Variants in SNTG1 observed in about 807,000 individuals in gnomAD.
SNTG1 encodes gamma-1-syntrophin.
In SNTG1, 39 loss-of-function variants were observed where a neutral mutation model predicts 74.7. The ratio of observed to expected loss-of-function variants is 0.52; its 90% confidence interval spans 0.40 to 0.68. The LOEUF (loss-of-function observed/expected upper bound fraction) is 0.68, where lower values mean the gene tolerates loss of function less well. SNTG1 is among the 30% of genes least tolerant of loss of function. The probability of loss-of-function intolerance (pLI) is 0.00; values close to 1 mark genes in which losing one functional copy is unlikely to be tolerated. For missense variants in SNTG1, 685 were observed against 609.5 expected (o/e 1.12, Z -1.30); for synonymous variants, 254 against 217.1 (o/e 1.17, Z -1.49).
At chr8:50,059,395 C>T (rs1563535055) in intron 1 of SNTG1, among the ~76,000 whole-genome samples, 1 of 151,938 alleles carries the variant, frequency 6.6e-6, no homozygotes. Flanking sequence ...AATTTAATGG[C>T]TTTTAGTATA....
chr8:50,003,256 A>G (rs1814912805), intron 1 of SNTG1, among the ~76,000 whole-genome samples: 1 of 152,178 alleles, frequency 6.6e-6, no homozygotes, highest in Admixed American at 6.6e-5. Context: ...AAATTGTCTC[A>G]CTATAACTGT....
chr8:50,221,970 T>C (rs1439435056), intron 2 of SNTG1, among the ~76,000 whole-genome samples: 2 of 152,102 alleles, frequency 1.3e-5, no homozygotes, highest in Non-Finnish European at 2.9e-5. Flanking sequence ...GTTTGGTAGG[T>C]AGGGTGCTAG....
chr8:50,688,688 C>T lies in SNTG1; in HGVS notation c.1039-15912C>T, dbSNP rs1235605803. Among the ~76,000 whole-genome samples the T allele has an allele frequency of 6.6e-5, 10 of 152,192 alleles. No individual in the cohort carries two copies. The South Asian group carries it at 1.0e-3, about 16-fold the overall frequency. ...TGTAGTATAGTATGAAGTCAGGTAG[C>T]GTGATGCCTCCAGCTTTGTTCTTTT... is the stretch of plus-strand genomic sequence containing the variant. On this transcript the variant is annotated intron_variant, in intron 15 of 18. Coordinates refer to ENST00000642720, the MANE Select transcript of SNTG1 (RefSeq NM_018967.5).
At chr8:50,179,651 C>T (rs746259849) in intron 2 of SNTG1, among the ~76,000 whole-genome samples, 8 of 152,074 alleles carry the variant, frequency 5.3e-5, no homozygotes, top group Non-Finnish European at 7.4e-5. Flanking sequence ...CGAAGAAAGA[C>T]ATACAAATAG....
chr8:49,992,826 A>G (rs961552786), intron 1 of SNTG1, among the ~76,000 whole-genome samples: 5 of 152,196 alleles, frequency 3.3e-5, no homozygotes, highest in African/African-American at 9.6e-5. Flanking sequence ...TTCAAAATAT[A>G]ATGCTGAAAG....
intron 2 of SNTG1, among the ~76,000 whole-genome samples, chr8:50,352,550 C>G (rs1473143984): frequency 6.6e-6 from 1 of 152,068 alleles, no homozygotes; most frequent in Non-Finnish European, 1.5e-5. Flanking sequence ...GCCACCACAC[C>G]TGGCTAATTT....
intron 12 of SNTG1, among the ~76,000 whole-genome samples, chr8:50,582,943 C>A (rs1211483176): frequency 2.6e-5 from 4 of 151,948 alleles, no homozygotes; most frequent in African/African-American, 9.7e-5. Flanking sequence ...AAGAATGACC[C>A]AATGAGTTTC....
chr8:50,722,559 T>G (rs984671985), intron 17 of SNTG1, among the ~76,000 whole-genome samples: 12 of 152,162 alleles, frequency 7.9e-5, no homozygotes, highest in Non-Finnish European at 1.6e-4. Flanking sequence ...CAAATAAGAT[T>G]TATCTCTTAT....
intron 1 of SNTG1, chr8:50,164,423 A>G (rs2131612130): frequency 6.6e-6 from 1 of 152,318 alleles, no homozygotes; most frequent in Middle Eastern, 3.4e-3. Context: ...GTTTACTGGT[A>G]CTTATTCATT....
intron 2 of SNTG1, among the ~76,000 whole-genome samples, chr8:50,323,338 C>T (rs1259819667): frequency 6.6e-6 from 1 of 152,102 alleles, no homozygotes; most frequent in Non-Finnish European, 1.5e-5. Flanking sequence ...TCCAGGATTG[C>T]TCCCTGGTGA....
chr8:50,308,696 T>C (rs1442228506), intron 2 of SNTG1, among the ~76,000 whole-genome samples: 2 of 152,170 alleles, frequency 1.3e-5, no homozygotes, highest in South Asian at 2.1e-4. Flanking sequence ...TTATATGTCA[T>C]ACCTACTCAT....
intron 1 of SNTG1, among the ~76,000 whole-genome samples, chr8:50,129,794 T>C (rs1357182691): frequency 2.0e-5 from 3 of 152,020 alleles, no homozygotes; most frequent in Non-Finnish European, 2.9e-5. Flanking sequence ...TACAGAGTAA[T>C]TTCATTTTAT....
chr8:50,751,264 G>C (rs976774207), intron 17 of SNTG1, among the ~76,000 whole-genome samples: 1 of 151,856 alleles, frequency 6.6e-6, no homozygotes, highest in Non-Finnish European at 1.5e-5. Flanking sequence ...TTTTACTTTG[G>C]ACATGCATGT....
chr8:50,764,901 G>C (rs1002209794), intron 18 of SNTG1, among the ~76,000 whole-genome samples: 2 of 151,948 alleles, frequency 1.3e-5, no homozygotes, highest in Admixed American at 6.6e-5. Flanking sequence ...CTGATAAATG[G>C]ATAAATAAAA....
At chr8:50,424,457 G>A (rs1158420081) in intron 4 of SNTG1, among the ~76,000 whole-genome samples, 1 of 152,156 alleles carries the variant, frequency 6.6e-6, no homozygotes, top group Non-Finnish European at 1.5e-5. Flanking sequence ...TACCATGCAT[G>A]GATGAGTGAC....
chr8:50,096,333 T>C (rs1202352560), intron 1 of SNTG1, among the ~76,000 whole-genome samples: 2 of 152,168 alleles, frequency 1.3e-5, no homozygotes, highest in Non-Finnish European at 2.9e-5. Flanking sequence ...GTTTCATTGA[T>C]TTTTTTGGCT....
intron 15 of SNTG1, among the ~76,000 whole-genome samples, chr8:50,666,453 G>T (rs2131317551): frequency 6.6e-6 from 1 of 152,238 alleles, no homozygotes; most frequent in Non-Finnish European, 1.5e-5. Flanking sequence ...CTTGTTTGTA[G>T]AAGGTACACA....
At chr8:50,695,227 G>T (rs759790950) in intron 15 of SNTG1, among the ~76,000 whole-genome samples, 3 of 150,592 alleles carry the variant, frequency 2.0e-5, no homozygotes, top group East Asian at 3.9e-4. Flanking sequence ...AAAAAAAACC[G>T]TTAAAAATAG....
intron 17 of SNTG1, among the ~76,000 whole-genome samples, chr8:50,731,024 C>A (rs916919142): frequency 6.6e-6 from 1 of 152,144 alleles, no homozygotes; most frequent in African/African-American, 2.4e-5. Flanking sequence ...TGATCAGGCT[C>A]TAATAAATTA....
Sources: allele counts gnomAD v4.1 joint callset (sites outside exome capture counted in the v4.1 genomes callset), GRCh38; gene constraint gnomAD v4.1.1; transcripts MANE v1.5; gene names NCBI Gene and HGNC (gene_info 2026-07-23, HGNC 2026-07-21).